The following SNX6 variants were observed in gnomAD, a reference collection of about 807,000 sequenced individuals.
SNX6 encodes the protein sorting nexin-6.
In SNX6, 34 loss-of-function variants were observed where a neutral mutation model predicts 63.0. The observed-to-expected ratio is 0.54, with a 90% CI of 0.41 to 0.72. The LOEUF is 0.72. Ranked by LOEUF, SNX6 falls within the 30% of genes least tolerant of loss-of-function variation. The pLI is 0.00. For missense variants in SNX6, 398 were observed against 471.4 expected (o/e 0.84, Z 1.44); for synonymous variants, 170 against 164.2 (o/e 1.04, Z -0.27).
At chr14:34,589,543 G>A (rs2138313176) in intron 8 of SNX6, among the ~76,000 whole-genome samples, 1 of 151,908 alleles carries the variant, frequency 6.6e-6, no homozygotes, top group African/African-American at 2.4e-5. Context: ...AATAAAGTTG[G>A]GATTGGGCAC....
At chr14:34,570,611 C>G (rs1312059748) in intron 11 of SNX6, among the ~76,000 whole-genome samples, 1 of 151,504 alleles carries the variant, frequency 6.6e-6, no homozygotes, top group Non-Finnish European at 1.5e-5. Context: ...TTAGTAGAGA[C>G]AGGGTTTCAC....
At chr14:34,611,935 C>T (rs1369820220) in intron 2 of SNX6, among the ~76,000 whole-genome samples, 1 of 151,888 alleles carries the variant, frequency 6.6e-6, no homozygotes, top group African/African-American at 2.4e-5. Context: ...CCCACCACCA[C>T]GCCTGGCTCA....
chr14:34,575,289 C>T (rs184928469), intron 11 of SNX6, among the ~76,000 whole-genome samples: 95 of 151,170 alleles, frequency 6.3e-4, no homozygotes, highest in Admixed American at 1.4e-3. Context: ...CAACCTCTGC[C>T]TCCCGGGTTC....
chr14:34,605,743 T>C (rs1393409752), intron 4 of SNX6, 26 bp from the exon 5 acceptor site: 1 of 1,583,060 alleles, frequency 6.3e-7, no homozygotes, highest in African/African-American at 1.4e-5. Flanking sequence ...ATGACTAATT[T>C]TAAGGAAATT....
chr14:34,593,218 T>C, intron 7 of SNX6, 68 bp from the exon 8 acceptor site: 1 of 896,376 alleles, frequency 1.1e-6, no homozygotes, highest in Non-Finnish European at 1.7e-6. Flanking sequence ...TAAATAACTA[T>C]CATTATAAAT....
At chr14:34,593,370 C>T in intron 7 of SNX6, among the ~76,000 whole-genome samples, 1 of 151,706 alleles carries the variant, frequency 6.6e-6, no homozygotes, top group African/African-American at 2.4e-5. Flanking sequence ...AGGCTTAGTG[C>T]TCCCCATATA....
At chr14:34,605,274 T>C (rs893498597) in intron 5 of SNX6, among the ~76,000 whole-genome samples, 14 of 152,124 alleles carry the variant, frequency 9.2e-5, no homozygotes, top group African/African-American at 3.4e-4. Flanking sequence ...ATGTTCTCTA[T>C]TTCTTTTTCC....
At chr14:34,628,146 A>G (rs900709851) in intron 2 of SNX6, among the ~76,000 whole-genome samples, 2 of 151,796 alleles carry the variant, frequency 1.3e-5, no homozygotes, top group African/African-American at 2.4e-5. Flanking sequence ...CCTGGGCAAC[A>G]TGGTGAGACC....
At chr14:34,575,929 T>TG (rs1290489357) in intron 10 of SNX6, 87 bp from the exon 11 acceptor site, 2 of 761,492 alleles carry the variant, frequency 2.6e-6, no homozygotes, top group Non-Finnish European at 4.0e-6. Flanking sequence ...GTTGTTTTTT[T>TG]GTTTTTTTTT....
chr14:34,597,636 G>A lies in SNX6; in HGVS notation c.526C>T (p.Arg176Ter), dbSNP rs1013796291. ...AGTTTCTCTTTTTTATTTTTTCCTC[G>A]CACACTCAACTGAAAGAAAGGTAAT... is the stretch of plus-strand genomic sequence containing the variant. ...FLEYNQDLSV[R>*]GKNKKEKLED... The change falls in exon 7 of 14, where the codon CGA (arginine) becomes TGA (stop). Residue 176 changes from arginine to a stop codon, truncating the protein, a stop_gained. Coordinates refer to ENST00000362031, the MANE Select transcript of SNX6 (RefSeq NM_152233.4). LOFTEE classifies it high-confidence loss of function. 5 of 1,583,638 alleles carry A rather than the reference G, an allele frequency of 3.2e-6. No homozygotes were observed. The highest frequency in any genetic ancestry group is 1.4e-5 in the African/African-American group (1 of 73,574).
At chr14:34,578,692 G>A (rs565241134) in intron 10 of SNX6, among the ~76,000 whole-genome samples, 1 of 146,144 alleles carries the variant, frequency 6.8e-6, no homozygotes, top group Admixed American at 6.9e-5. Flanking sequence ...TGTAATCCCA[G>A]CACTTTGGGA....
intron 11 of SNX6, among the ~76,000 whole-genome samples, chr14:34,570,887 C>T (rs1467189133): frequency 6.6e-6 from 1 of 151,240 alleles, no homozygotes; most frequent in Non-Finnish European, 1.5e-5. Context: ...CCACGCCCGG[C>T]TAATTTTTTT....
At chr14:34,600,951 G>A (rs532510310) in intron 6 of SNX6, among the ~76,000 whole-genome samples, 1 of 151,940 alleles carries the variant, frequency 6.6e-6, no homozygotes, top group South Asian at 2.1e-4. Flanking sequence ...CTGGGAAGCA[G>A]AGGTTGTACT....
intron 11 of SNX6, among the ~76,000 whole-genome samples, chr14:34,572,671 G>GTT (rs201295582): frequency 6.6e-6 from 1 of 150,908 alleles, no homozygotes; most frequent in Non-Finnish European, 1.5e-5. Flanking sequence ...AGTTATTTGT[G>GTT]TTTTTTTTGT....
At chr14:34,570,063 T>G (rs1034715770) in intron 11 of SNX6, among the ~76,000 whole-genome samples, 10 of 136,134 alleles carry the variant, frequency 7.3e-5, no homozygotes, top group Admixed American at 2.2e-4. Context: ...TTTTTTGGGG[T>G]TTTTTTTTTT....
intron 2 of SNX6, among the ~76,000 whole-genome samples, chr14:34,626,604 G>C (rs2138396130): frequency 6.8e-6 from 1 of 147,608 alleles, no homozygotes; most frequent in East Asian, 2.0e-4. Context: ...AGGAGGCAGA[G>C]CTTGCAGCGA....
chr14:34,620,880 T>C (rs993591843), intron 2 of SNX6, among the ~76,000 whole-genome samples: 1 of 151,902 alleles, frequency 6.6e-6, no homozygotes, highest in Non-Finnish European at 1.5e-5. Context: ...AGGGAGAAGT[T>C]GCAGTGAATT....
chr14:34,623,271 G>A (rs564176314), intron 2 of SNX6, among the ~76,000 whole-genome samples: 1 of 152,120 alleles, frequency 6.6e-6, no homozygotes, highest in East Asian at 1.9e-4. Flanking sequence ...AAAAGGTGAG[G>A]GGGAAAAAAA....
rs369402752 is a variant in SNX6 at position 34,593,284 on chromosome 14, A to G, written c.613-134T>C. 308 of 586,074 alleles carry G rather than the reference A, an allele frequency of 5.3e-4. 11 individuals are homozygous for G. In the South Asian group the frequency reaches 7.0e-3, roughly 13 times the overall value. The allele number at this position is 586,074 out of a possible 1,614,324, so 36.3% of individuals were successfully genotyped here. On this transcript the variant is annotated intron_variant, in intron 7 of 13. Transcript: ENST00000362031. ...ATCCTCAGTCAGATGTTATTATACT[A>G]ATTTCACCAACAAGACTTTAATAGA...
Sources: allele counts gnomAD v4.1 joint callset (sites outside exome capture counted in the v4.1 genomes callset), GRCh38; gene constraint gnomAD v4.1.1; transcripts MANE v1.5; gene names NCBI Gene and HGNC (gene_info 2026-07-23, HGNC 2026-07-21).